ETNPPL: variants seen among roughly 807,000 people sequenced by gnomAD.
ETNPPL encodes alanine--glyoxylate aminotransferase 2-like 1.
In ETNPPL, 30 loss-of-function variants were observed where a neutral mutation model predicts 55.5. The ratio of observed to expected loss-of-function variants is 0.54; its 90% CI spans 0.40 to 0.73. ETNPPL has a LOEUF of 0.73. Among genes scored for constraint, ETNPPL ranks in the 30% least tolerant of loss-of-function variants. The probability of loss-of-function intolerance (pLI) is 0.00; values close to 1 mark genes in which losing one functional copy is unlikely to be tolerated. For missense variants in ETNPPL, 528 were observed against 607.9 expected (o/e 0.87, Z 1.38); for synonymous variants, 202 against 207.2 (o/e 0.98, Z 0.21).
At chr4:108,761,068 A>T (rs759763536) in intron 1 of ETNPPL, among the ~76,000 whole-genome samples, 7 of 152,172 alleles carry the variant, frequency 4.6e-5, no homozygotes, top group Non-Finnish European at 7.3e-5. Context: ...TATTCTTCTA[A>T]GCATTTAATA....
intron 9 of ETNPPL, 61 bp from the exon 10 acceptor site, chr4:108,746,912 G>T: frequency 9.2e-7 from 1 of 1,083,836 alleles, no homozygotes; most frequent in Non-Finnish European, 1.4e-6. Flanking sequence ...GTCACAAAAA[G>T]TTAACACTAT....
intron 1 of ETNPPL, among the ~76,000 whole-genome samples, chr4:108,761,057 T>A (rs994389155): frequency 6.6e-5 from 10 of 152,230 alleles, no homozygotes; most frequent in Non-Finnish European, 1.5e-4. Flanking sequence ...TGAAATTCAA[T>A]TATTCTTCTA....
chr4:108,743,827 C>A lies in ETNPPL; in HGVS notation c.1333G>T (p.Glu445Ter). 6.2e-7 allele frequency: 1 copy of A among 1,611,782 alleles called. No individual in the cohort carries two copies. Among genetic ancestry groups the A allele is most frequent in the Non-Finnish European group, 8.5e-7 (1 of 1,178,058 alleles). Residue 445 changes from glutamate to a stop codon, truncating the protein, a stop_gained, in exon 12 of 13, where the codon GAA (glutamate) becomes TAA (stop). Transcript: ENST00000296486. LOFTEE classifies it low-confidence loss of function (END_TRUNC). ...VLEEAMGTKT[E>*]SVTSENTPCK... ...GGAGTATTCTCAGAGGTCACACTTT[C>A]GGTTTTGGTTCCCATAGCTTCTTCT... is the stretch of plus-strand genomic sequence containing the variant.
chr4:108,760,343 G>C, intron 1 of ETNPPL, 37 bp from the exon 2 acceptor site: 1 of 1,177,574 alleles, frequency 8.5e-7, no homozygotes, highest in Non-Finnish European at 1.3e-6. Flanking sequence ...GGTCTGGTAG[G>C]ACTACTCTCA....
chr4:108,759,930 C>T lies in ETNPPL; in HGVS notation c.176-22G>A, dbSNP rs10002058. The T allele has an allele frequency of 3.4e-3, 5,489 of 1,608,652 alleles. 148 individuals carry two copies. In the African/African-American group the frequency reaches 0.064, roughly 19 times the overall value. ...CCCACTAAAATTTATGAAACAAAAGCCCAAGAAATAAGTTAGAATTCTAAG... is the reference window on the plus strand; with the variant it reads ...CCCACTAAAATTTATGAAACAAAAGTCCAAGAAATAAGTTAGAATTCTAAG... On this transcript the variant is annotated intron_variant, in intron 2 of 12. Transcript: ENST00000296486.
At chr4:108,762,653 G>T in intron 1 of ETNPPL, 190 bp downstream of exon 1, 2 of 715,928 alleles carry the variant, frequency 2.8e-6, no homozygotes, top group Non-Finnish European at 5.0e-6. Flanking sequence ...AGCGTTCCGG[G>T]TTCCAGGAGC....
In ETNPPL at chr4:108,748,137, C is replaced by T. The variant is rs1728707503; in HGVS notation, c.950G>A (p.Cys317Tyr). 6.3e-7 allele frequency: 1 copy of T among 1,595,042 alleles called. No homozygotes were observed. Among genetic ancestry groups the T allele is most frequent in the African/African-American group, 1.4e-5 (1 of 72,578 alleles). Residue 317 changes from cysteine to tyrosine, a missense_variant, in exon 9 of 13, where the codon TGT (cysteine) becomes TAT (tyrosine). Physicochemically the swap from Cys to Tyr is radical, Grantham distance 194 (BLOSUM62 -2). Coordinates refer to ENST00000296486, the MANE Select transcript of ETNPPL (RefSeq NM_031279.4). ...FNTYGGNPVS[C>Y]AVGLAVLDII... ...ATCCAGGACAGCCAAACCAACAGCA[C>T]AAGATACTGGATTTCCTCCATACTG...
chr4:108,760,328 A>G (rs1251693060), intron 1 of ETNPPL, 22 bp from the exon 2 acceptor site: 1 of 1,398,248 alleles, frequency 7.2e-7, no homozygotes. Context: ...CAAAGGAAAC[A>G]CTTTGGTCTG....
intron 5 of ETNPPL, 91 bp downstream of exon 5, chr4:108,754,529 T>C (rs556181195): frequency 1.7e-4 from 125 of 744,132 alleles, no homozygotes; most frequent in Admixed American, 1.4e-3. Context: ...AGTTTCTCTT[T>C]CATGGTTCAT....
At chr4:108,751,472 G>A (rs1360740934) in intron 6 of ETNPPL, among the ~76,000 whole-genome samples, 2 of 152,100 alleles carry the variant, frequency 1.3e-5, no homozygotes, top group Non-Finnish European at 2.9e-5. Context: ...GGTGGTTTGT[G>A]GCCACACACT....
At chr4:108,746,674 G>C in intron 10 of ETNPPL, 88 bp downstream of exon 10, 2 of 1,490,542 alleles carry the variant, frequency 1.3e-6, no homozygotes, top group South Asian at 2.3e-5. Flanking sequence ...TCCTTTTTCA[G>C]AGGGATGGGA....
In ETNPPL at chr4:108,750,625, A is replaced by ATATATATATATATATATATATATATATC. The variant is rs1553933962; in HGVS notation, c.701+310_701+311insGATATATATATATATATATATATATATA. ...TATGATATATATAGGATATATATAT[A>ATATATATATATATATATATATATATATC]TCCTATTAGTTTGGTCCCTCTAGAG... On this transcript the variant is annotated intron_variant, in intron 7 of 12. Transcript: ENST00000296486. Among the ~76,000 whole-genome samples, 940 of 122,908 alleles carry ATATATATATATATATATATATATATATC rather than the reference A, an allele frequency of 7.6e-3. 124 individuals are homozygous for ATATATATATATATATATATATATATATC. In the East Asian group the frequency reaches 0.21, roughly 28 times the overall value. The allele number at this position is 122,908 out of a possible 152,430, so 80.6% of individuals were successfully genotyped here. A position where few individuals can be genotyped will look rare whatever the true frequency, so the allele number is the denominator to read the frequency against.
intron 5 of ETNPPL, among the ~76,000 whole-genome samples, chr4:108,753,749 T>TAAGAAAGAAAGAAGGAAAGAAAGAAAGA (rs1553934220): frequency 6.5e-5 from 5 of 76,766 alleles, no homozygotes; most frequent in Non-Finnish European, 9.6e-5. Context: ...CTCAAATAAA[T>TAAGAAAGAAAGAAGGAAAGAAAGAAAGA]AAGAAAGAAA....
chr4:108,753,763 A>G (rs187290498), intron 5 of ETNPPL, among the ~76,000 whole-genome samples: 90 of 121,126 alleles, frequency 7.4e-4, no homozygotes, highest in Non-Finnish European at 6.6e-4. Context: ...AAAGAAAGAA[A>G]GAAAGAAAGA....
intron 11 of ETNPPL, among the ~76,000 whole-genome samples, chr4:108,745,972 A>C (rs1688124008): frequency 6.6e-6 from 1 of 151,136 alleles, no homozygotes; most frequent in Admixed American, 6.6e-5. Flanking sequence ...TAAGCAATTC[A>C]GCATATAGCA....
chr4:108,752,654 A>C (rs1028140647), intron 6 of ETNPPL, among the ~76,000 whole-genome samples: 1 of 152,216 alleles, frequency 6.6e-6, no homozygotes, highest in African/African-American at 2.4e-5. Context: ...AAAGGTCAGA[A>C]TTAGGCAACC....
chr4:108,762,482 G>T, intron 1 of ETNPPL: 1 of 655,738 alleles, frequency 1.5e-6, no homozygotes, highest in Non-Finnish European at 2.8e-6. Context: ...GTTGTGTGGG[G>T]GTGGCGGAGC....
intron 10 of ETNPPL, 56 bp from the exon 11 acceptor site, chr4:108,746,585 A>C: frequency 2.5e-6 from 4 of 1,578,592 alleles, no homozygotes; most frequent in Non-Finnish European, 3.5e-6. Flanking sequence ...ACGATTACTG[A>C]AGAATTATGT....
chr4:108,751,332 T>C (rs1396890114), intron 6 of ETNPPL, among the ~76,000 whole-genome samples: 1 of 152,212 alleles, frequency 6.6e-6, no homozygotes, highest in Non-Finnish European at 1.5e-5. Flanking sequence ...AAGACTGCTA[T>C]TTTTATTAGT....
Sources: allele counts gnomAD v4.1 joint callset (sites outside exome capture counted in the v4.1 genomes callset), GRCh38; gene constraint gnomAD v4.1.1; transcripts MANE v1.5; gene names NCBI Gene and HGNC (gene_info 2026-07-23, HGNC 2026-07-21).